MAN1A2: variants seen among roughly 807,000 people sequenced by gnomAD.
MAN1A2 encodes the protein mannosidase alpha class 1A member 2, also known as mannosyl-oligosaccharide 1,2-alpha-mannosidase IB.
MAN1A2 carries 26 observed loss-of-function variants against 75.7 expected under a neutral mutation model. The observed-to-expected ratio is 0.34, with a 90% confidence interval of 0.25 to 0.48. MAN1A2 has a LOEUF of 0.48. Among genes scored for constraint, MAN1A2 ranks in the 20% least tolerant of loss-of-function variants. The pLI is 0.99. For synonymous variants in MAN1A2, 247 were observed against 264.6 expected, an observed-to-expected ratio of 0.93 and a Z score of 0.65; for missense variants, 562 against 775.5, an observed-to-expected ratio of 0.72 and a Z score of 3.27.
At chr1:117,504,234 T>C (rs575684075) in intron 12 of MAN1A2, among the ~76,000 whole-genome samples, 1 of 151,246 alleles carries the variant, frequency 6.6e-6, no homozygotes, top group South Asian at 2.1e-4. Context: ...TGAATGAACA[T>C]GTCAAAATAA....
intron 5 of MAN1A2, among the ~76,000 whole-genome samples, chr1:117,433,649 A>G (rs972336043): frequency 3.9e-5 from 6 of 152,176 alleles, no homozygotes; most frequent in African/African-American, 7.2e-5. Context: ...GCAAATAATG[A>G]CAGTTGTACT....
At chr1:117,400,995 T>C (rs1647406626) in intron 1 of MAN1A2, among the ~76,000 whole-genome samples, 2 of 152,314 alleles carry the variant, frequency 1.3e-5, no homozygotes, top group South Asian at 4.1e-4. Context: ...AAACTCTGTC[T>C]GTACCCATTA....
intron 1 of MAN1A2, among the ~76,000 whole-genome samples, chr1:117,372,069 A>C (rs572789641): frequency 1.3e-5 from 2 of 152,316 alleles, no homozygotes; most frequent in African/African-American, 4.8e-5. Context: ...CATAAATACT[A>C]AGAGAAGTTA....
At chr1:117,487,642 TATTG>T (rs1415342626) in intron 8 of MAN1A2, among the ~76,000 whole-genome samples, 3 of 152,172 alleles carry the variant, frequency 2.0e-5, no homozygotes, top group Middle Eastern at 3.4e-3. Context: ...GATGTTGTAA[TATTG>T]ATGGGAATAT....
At chr1:117,437,672 T>C (rs1219337011) in intron 5 of MAN1A2, among the ~76,000 whole-genome samples, 1 of 152,168 alleles carries the variant, frequency 6.6e-6, no homozygotes, top group African/African-American at 2.4e-5. Flanking sequence ...ATTCATTTTA[T>C]ATCAGTTTTT....
At chr1:117,425,821 A>T (rs1448221889) in intron 5 of MAN1A2, among the ~76,000 whole-genome samples, 1 of 152,186 alleles carries the variant, frequency 6.6e-6, no homozygotes, top group Non-Finnish European at 1.5e-5. Context: ...CATTGCTACC[A>T]CTTTTACCTT....
intron 8 of MAN1A2, among the ~76,000 whole-genome samples, chr1:117,469,492 A>G (rs560342663): frequency 6.6e-6 from 1 of 152,256 alleles, no homozygotes; most frequent in African/African-American, 2.4e-5. Context: ...ATTTTTGTGC[A>G]TCAAAGCATA....
intron 12 of MAN1A2, among the ~76,000 whole-genome samples, chr1:117,518,350 C>G (rs1651777214): frequency 6.6e-6 from 1 of 151,838 alleles, no homozygotes; most frequent in Non-Finnish European, 1.5e-5. Flanking sequence ...TTTATAAGTA[C>G]ATATTTACTA....
Position 117,509,094 on chromosome 1 carries a change from T to C in MAN1A2, c.1793+6124T>C, listed in dbSNP as rs183971693. 7.2e-4 allele frequency among the ~76,000 whole-genome samples: 109 copies of C among 150,836 alleles called. 1 individual carries two copies. The highest frequency in any genetic ancestry group is 2.6e-3 in the African/African-American group (108 of 41,222). On this transcript the variant is annotated intron_variant, in intron 12 of 12. Coordinates refer to ENST00000356554, the MANE Select transcript of MAN1A2 (RefSeq NM_006699.5). Reference sequence around the variant, plus strand: ...ACCCAAAGATCATTGAAGAAAAGATTGAGAATTCAATTACATAAAAATAAA... The same window carrying C: ...ACCCAAAGATCATTGAAGAAAAGATCGAGAATTCAATTACATAAAAATAAA...
chr1:117,456,942 A>T (rs1649600118), intron 6 of MAN1A2, among the ~76,000 whole-genome samples: 1 of 152,044 alleles, frequency 6.6e-6, no homozygotes. Context: ...TTAAGCTTAC[A>T]CATTGAGTGT....
chr1:117,409,604 G>C lies in MAN1A2; in HGVS notation c.655+3959G>C, dbSNP rs548700169. Reference sequence around the variant, plus strand: ...TCCCATTGGTTAATGGGGTTGTTCAGGCTGTCTCTATCTTAGTTGGGTTTC... The same window carrying C: ...TCCCATTGGTTAATGGGGTTGTTCACGCTGTCTCTATCTTAGTTGGGTTTC... On this transcript the variant is annotated intron_variant, in intron 3 of 12. Transcript: ENST00000356554. 1.5e-4 allele frequency among the ~76,000 whole-genome samples: 23 copies of C among 152,132 alleles called. No individual in the cohort carries two copies. The South Asian group carries it at 4.6e-3, about 30-fold the overall frequency.
Position 117,499,559 on chromosome 1 carries a change from A to G in MAN1A2, c.1677+5A>G. The G allele has an allele frequency of 1.3e-6, 2 of 1,588,952 alleles. No individual in the cohort carries two copies. Among genetic ancestry groups the G allele is most frequent in the African/African-American group, 1.4e-5 (1 of 73,480 alleles). On this transcript the variant is annotated splice_donor_5th_base_variant and intron_variant, in intron 11 of 12. Transcript: ENST00000356554. Reference sequence around the variant, plus strand: ...TGGGGCTGGGAAGCAGCACTGGTAAATAAGCCAATATTCCATTTTATCTGC... The same window carrying G: ...TGGGGCTGGGAAGCAGCACTGGTAAGTAAGCCAATATTCCATTTTATCTGC...
rs764140914 is a variant in MAN1A2 at position 117,522,879 on chromosome 1, G to A, written c.1848G>A (p.Val616=). The change falls in exon 13 of 13, where the codon GTG becomes GTA. Residue 616 remains valine, a synonymous_variant. Transcript: ENST00000356554. ...ACCTTTTACCTTTAGACCACTGGGTGTTTAATACAGAGGCTCACCCTCTGC... is the reference window on the plus strand; with the variant it reads ...ACCTTTTACCTTTAGACCACTGGGTATTTAATACAGAGGCTCACCCTCTGC... ...GDDLLPLDHW[V]FNTEAHPLPV... The A allele has an allele frequency of 6.2e-7, 1 of 1,611,670 alleles. No homozygotes were observed. Among genetic ancestry groups the A allele is most frequent in the Non-Finnish European group, 8.5e-7 (1 of 1,178,408 alleles).
rs202063390 is a variant in MAN1A2 at position 117,460,898 on chromosome 1, G to A, written c.1074+286G>A. Among the ~76,000 whole-genome samples the A allele has an allele frequency of 4.6e-5, 7 of 152,216 alleles. No homozygotes were observed. The East Asian group carries it at 1.4e-3, about 29-fold the overall frequency. Reference sequence around the variant, plus strand: ...CTGCGGTACCTACCCAGCCTGGTAAGACAAGAAAAACAAAATAACCAGATG... The same window carrying A: ...CTGCGGTACCTACCCAGCCTGGTAAAACAAGAAAAACAAAATAACCAGATG... On this transcript the variant is annotated intron_variant, in intron 7 of 12. Transcript: ENST00000356554.
At chr1:117,450,858 G>A (rs1649389734) in intron 6 of MAN1A2, among the ~76,000 whole-genome samples, 1 of 152,194 alleles carries the variant, frequency 6.6e-6, no homozygotes, top group South Asian at 2.1e-4. Context: ...GCCTGTCCAG[G>A]TAGAAGTTTG....
intron 8 of MAN1A2, among the ~76,000 whole-genome samples, chr1:117,479,316 T>C (rs552330476): frequency 2.3e-4 from 35 of 152,140 alleles, no homozygotes; most frequent in African/African-American, 8.2e-4. Context: ...ATGATGTGTA[T>C]GTACCACATT....
At chr1:117,431,222 AGGGGGAG>A (rs1648646902) in intron 5 of MAN1A2, among the ~76,000 whole-genome samples, 4 of 1,542 alleles carry the variant, frequency 2.6e-3, no homozygotes, top group Admixed American at 6.7e-3. Context: ...GGGGAGGGGG[AGGGGGAG>A]GGGGGAGGCC....
chr1:117,374,248 G>C (rs1245363454), intron 1 of MAN1A2, among the ~76,000 whole-genome samples: 1 of 152,112 alleles, frequency 6.6e-6, no homozygotes, highest in Non-Finnish European at 1.5e-5. Context: ...AGTTAGCTAT[G>C]ATTGTGTCCG....
At chr1:117,433,324 G>A (rs1285143588) in intron 5 of MAN1A2, among the ~76,000 whole-genome samples, 1 of 152,034 alleles carries the variant, frequency 6.6e-6, no homozygotes, top group East Asian at 1.9e-4. Context: ...TCGAAAATTG[G>A]AAACATTTCT....
Sources: allele counts gnomAD v4.1 joint callset (sites outside exome capture counted in the v4.1 genomes callset), GRCh38; gene constraint gnomAD v4.1.1; transcripts MANE v1.5; gene names NCBI Gene and HGNC (gene_info 2026-07-23, HGNC 2026-07-21).